ORC1: variants seen among roughly 807,000 people sequenced by gnomAD.
ORC1 encodes origin recognition complex subunit 1.
ORC1 carries 61 observed loss-of-function variants against 98.9 expected under a neutral mutation model. That is an observed-to-expected ratio of 0.62 (90% confidence interval 0.50 to 0.76). ORC1 has a LOEUF of 0.76. ORC1 is among the 30% of genes least tolerant of loss of function. The probability of loss-of-function intolerance (pLI) is 0.00; values close to 1 mark genes in which losing one functional copy is unlikely to be tolerated. For synonymous variants in ORC1, 385 were observed against 406.9 expected (o/e 0.95, Z 0.65); for missense variants, 979 against 1,072.2 (o/e 0.91, Z 1.21).
upstream of ORC1, chr1:52,404,745 C>G (rs1222919588): frequency 6.2e-7 from 1 of 1,612,070 alleles, no homozygotes; most frequent in African/African-American, 1.3e-5. Context: ...TGAAGGCATT[C>G]TAAAATGGCT....
intron 5 of ORC1, among the ~76,000 whole-genome samples, chr1:52,395,133 TACA>T (rs1395567798): frequency 1.3e-5 from 2 of 152,094 alleles, no homozygotes; most frequent in African/African-American, 4.8e-5. Flanking sequence ...GATGAATGAC[TACA>T]ACAAGATGAG....
intron 2 of ORC1, 127 bp from the exon 3 acceptor site, chr1:52,401,616 G>A: frequency 1.8e-6 from 2 of 1,122,656 alleles, no homozygotes; most frequent in Middle Eastern, 2.0e-4. Flanking sequence ...CTCCTACTGG[G>A]AAACCAATTC....
upstream of ORC1, among the ~76,000 whole-genome samples, chr1:52,407,933 A>G (rs1291513790): frequency 2.0e-5 from 3 of 152,210 alleles, no homozygotes; most frequent in African/African-American, 7.2e-5. Flanking sequence ...GCACATGCCT[A>G]TAATCCCAGC....
At chr1:52,384,810 G>A (rs1359818821) in intron 10 of ORC1, 89 bp from the exon 11 acceptor site, 2 of 1,199,216 alleles carry the variant, frequency 1.7e-6, no homozygotes, top group East Asian at 5.0e-5. Context: ...GTATACTGAG[G>A]GAAGGACCGA....
chr1:52,397,290 C>T (rs998193932), intron 4 of ORC1, among the ~76,000 whole-genome samples: 4 of 152,178 alleles, frequency 2.6e-5, no homozygotes, highest in African/African-American at 9.6e-5. Flanking sequence ...TTAAGAAATC[C>T]TGTCATACAA....
rs556401934 is a variant in ORC1, at chr1:52,399,157, C to T, written c.224-1294G>A. Among the ~76,000 whole-genome samples, 6 of 152,252 alleles carry T rather than the reference C, an allele frequency of 3.9e-5. No individual in the cohort carries two copies. The East Asian group carries it at 7.7e-4, about 20-fold the overall frequency. On this transcript the variant is annotated intron_variant, in intron 3 of 16. Coordinates refer to ENST00000371568, the MANE Select transcript of ORC1 (RefSeq NM_004153.4). ...AAATAAAAATCAGTGACTATAAAGA[C>T]AGCATCAAACAGCAGCAAAACAAAA...
intron 5 of ORC1, 123 bp downstream of exon 5, chr1:52,395,923 C>T (rs1647371876): frequency 6.7e-7 from 1 of 1,497,408 alleles, no homozygotes. Context: ...TGAGCATGAT[C>T]ACTTGAGTTC....
At chr1:52,404,989 ATG>A, upstream of ORC1, 4 of 1,337,434 alleles carry the variant, frequency 3.0e-6, no homozygotes, top group Non-Finnish European at 4.1e-6. Context: ...GGAACGGAGT[ATG>A]TCGATCATTC....
chr1:52,393,890 T>A, intron 5 of ORC1, 87 bp from the exon 6 acceptor site: 1 of 1,389,482 alleles, frequency 7.2e-7, no homozygotes, highest in Non-Finnish European at 1.0e-6. Flanking sequence ...AGCCACTGAG[T>A]TATATGTAAA....
upstream of ORC1, chr1:52,404,482 C>A (rs1043715770): frequency 4.2e-5 from 14 of 335,056 alleles, no homozygotes; most frequent in Admixed American, 4.6e-4. Flanking sequence ...CCCTTCGTTG[C>A]GACACCAACT....
intron 14 of ORC1, among the ~76,000 whole-genome samples, chr1:52,378,476 A>G (rs978038516): frequency 1.6e-4 from 24 of 151,766 alleles, no homozygotes; most frequent in Admixed American, 4.6e-4. Flanking sequence ...CCTGGACAAC[A>G]TGGTAAAACT....
At chr1:52,381,451 C>T (rs961753328) in intron 14 of ORC1, among the ~76,000 whole-genome samples, 191 bp downstream of exon 14, 4 of 152,122 alleles carry the variant, frequency 2.6e-5, no homozygotes, top group Non-Finnish European at 4.4e-5. Flanking sequence ...CATATAAACC[C>T]ACAATATTTA....
rs925076603 is a variant in ORC1, at chr1:52,401,410, C to T, written c.175G>A (p.Asp59Asn). 3 of 1,614,024 alleles carry T rather than the reference C, an allele frequency of 1.9e-6. No individual in the cohort carries two copies. In the African/African-American group the frequency reaches 4.0e-5, roughly 22 times the overall value. ...IGQFVLIEGD[D>N]DENPYVAKLL... is the part of the protein sequence containing the mutation. ...TTAGCAACATACGGGTTTTCATCATCATCCCCTTCAATCAACACAAACTGT... is the reference window on the plus strand; with the variant it reads ...TTAGCAACATACGGGTTTTCATCATTATCCCCTTCAATCAACACAAACTGT... The change falls in exon 3 of 17, where the codon GAT becomes AAT. Residue 59 changes from aspartate to asparagine, a missense_variant. Coordinates refer to ENST00000371568, the MANE Select transcript of ORC1 (RefSeq NM_004153.4).
At chr1:52,401,325 G>T in intron 3 of ORC1, 37 bp downstream of exon 3, 1 of 1,612,806 alleles carries the variant, frequency 6.2e-7, no homozygotes, top group South Asian at 1.1e-5. Flanking sequence ...AATCATTCAT[G>T]ACAAGGAATG....
Position 52,383,880 on chromosome 1 carries a change from A to C in ORC1, c.1813T>G (p.Phe605Val), listed in dbSNP as rs778853842. 1 of 1,614,140 alleles carries C rather than the reference A, an allele frequency of 6.2e-7. No individual in the cohort carries two copies. Among genetic ancestry groups the C allele is most frequent in the Non-Finnish European group, 8.5e-7 (1 of 1,180,028 alleles). ...NHAAELLAKQ[F>V]CTRGSPQETT... ...TCCTGAGGTGACCCTCGGGTGCAGA[A>C]TTGCTTTGCCAGCAGTTCTGCCGCA... Residue 605 changes from phenylalanine to valine, a missense_variant, in exon 12 of 17, where the codon TTC becomes GTC. Phe to Val is a conservative substitution (Grantham distance 50, BLOSUM62 -1). Transcript: ENST00000371568.
At chr1:52,386,639 T>C (rs1647146638) in intron 8 of ORC1, among the ~76,000 whole-genome samples, 1 of 152,116 alleles carries the variant, frequency 6.6e-6, no homozygotes, top group Non-Finnish European at 1.5e-5. Context: ...CTCCATTTCC[T>C]CCCGAGGCAG....
intron 6 of ORC1, 61 bp from the exon 7 acceptor site, chr1:52,389,382 C>G: frequency 8.5e-7 from 1 of 1,180,898 alleles, no homozygotes; most frequent in Admixed American, 1.7e-5. Flanking sequence ...GTACAAAAGG[C>G]ACTAGAAGAT....
chr1:52,374,976 T>G, intron 15 of ORC1, 79 bp from the exon 16 acceptor site: 1 of 874,534 alleles, frequency 1.1e-6, no homozygotes, highest in Non-Finnish European at 1.9e-6. Context: ...AAAACTTTTC[T>G]GTGTCTTTAG....
intron 6 of ORC1, among the ~76,000 whole-genome samples, chr1:52,391,195 G>C (rs150507835): frequency 0.011 from 1,677 of 151,496 alleles, 30 homozygotes; most frequent in African/African-American, 0.038. Flanking sequence ...GGTAGTCCCA[G>C]CTACTCAGGA....
Sources: gnomAD v4.1 joint callset for allele counts (sites outside exome capture counted in the v4.1 genomes callset) on GRCh38, gnomAD v4.1.1 for gene constraint, MANE v1.5 for transcripts, NCBI Gene and HGNC (gene_info 2026-07-23, HGNC 2026-07-21) for gene names.